The following DKK2 variants were observed in gnomAD, a reference collection of about 807,000 sequenced individuals.
The protein encoded by DKK2 is dickkopf Wnt signaling pathway inhibitor 2.
Under a neutral mutation model 28.1 loss-of-function variants are expected in DKK2, and 11 were observed. That is an observed-to-expected ratio of 0.39 (90% CI 0.25 to 0.65). DKK2 has a LOEUF of 0.65. Ranked by LOEUF, DKK2 falls within the 30% of genes least tolerant of loss-of-function variation. The pLI, the probability that DKK2 is intolerant of heterozygous loss-of-function variation, is 0.47. For missense variants in DKK2, 326 were observed against 335.5 expected (o/e 0.97, Z 0.22); for synonymous variants, 135 against 126.5 (o/e 1.07, Z -0.45).
chr4:106,959,563 C>T (rs1722655910), intron 1 of DKK2, among the ~76,000 whole-genome samples: 1 of 151,978 alleles, frequency 6.6e-6, no homozygotes. Context: ...AATTTGTAAA[C>T]TTCCCATAAG....
At chr4:106,927,886 A>T (rs1724445830) in intron 1 of DKK2, among the ~76,000 whole-genome samples, 3 of 152,218 alleles carry the variant, frequency 2.0e-5, no homozygotes. Context: ...TTCAATGGAA[A>T]TAAACATGTG....
At chr4:106,993,155 A>G (rs1165881085) in intron 1 of DKK2, among the ~76,000 whole-genome samples, 3 of 152,268 alleles carry the variant, frequency 2.0e-5, no homozygotes, top group Non-Finnish European at 4.4e-5. Flanking sequence ...TGTTCAGAGC[A>G]TAACCTCTGG....
chr4:106,992,008 G>A (rs1723212236), intron 1 of DKK2, among the ~76,000 whole-genome samples: 1 of 152,116 alleles, frequency 6.6e-6, no homozygotes, highest in Non-Finnish European at 1.5e-5. Flanking sequence ...AATCCAGAAA[G>A]GTGATTAGAT....
intron 1 of DKK2, among the ~76,000 whole-genome samples, chr4:106,948,273 A>G (rs749657446): frequency 6.6e-6 from 1 of 152,190 alleles, no homozygotes; most frequent in Non-Finnish European, 1.5e-5. Flanking sequence ...CACAGGTTGC[A>G]GGGTTCCAAC....
At chr4:106,985,163 C>T (rs559537088) in intron 1 of DKK2, among the ~76,000 whole-genome samples, 35 of 148,688 alleles carry the variant, frequency 2.4e-4, no homozygotes, top group Admixed American at 6.7e-4. Flanking sequence ...GAGCCAGGAT[C>T]GCGCCACTGC....
chr4:106,995,135 A>G (rs911837675), intron 1 of DKK2, among the ~76,000 whole-genome samples: 3 of 152,144 alleles, frequency 2.0e-5, no homozygotes, highest in African/African-American at 7.2e-5. Flanking sequence ...TAAATATTAC[A>G]TTAAGATTAG....
intron 1 of DKK2, among the ~76,000 whole-genome samples, chr4:106,951,659 C>G (rs1188706249): frequency 2.0e-5 from 3 of 152,128 alleles, no homozygotes. Flanking sequence ...ACAGACACCA[C>G]AGGCTTAGAA....
chr4:106,952,974 C>A lies in DKK2; in HGVS notation c.223-27025G>T, dbSNP rs202107674. ...TATCAAAAATAATGCAAAACTTAAACAAAGTACTTTCAATGTATTTTTTAG... is the reference window on the plus strand; with the variant it reads ...TATCAAAAATAATGCAAAACTTAAAAAAAGTACTTTCAATGTATTTTTTAG... On this transcript the variant is annotated intron_variant, in intron 1 of 3. Transcript: ENST00000285311. 2.0e-5 allele frequency among the ~76,000 whole-genome samples: 3 copies of A among 152,272 alleles called. No homozygotes were observed. The East Asian group carries it at 5.8e-4, about 29-fold the overall frequency.
chr4:107,024,867 C>T (rs1286339388), intron 1 of DKK2, among the ~76,000 whole-genome samples: 1 of 152,092 alleles, frequency 6.6e-6, no homozygotes, highest in Non-Finnish European at 1.5e-5. Context: ...ACCCGCTGTC[C>T]CATGCAGAAA....
At chr4:106,975,525 C>T (rs918652471) in intron 1 of DKK2, among the ~76,000 whole-genome samples, 2 of 152,046 alleles carry the variant, frequency 1.3e-5, no homozygotes, top group Admixed American at 1.3e-4. Flanking sequence ...AGTTTATTTG[C>T]CTAGAGGTGT....
chr4:106,924,462 T>C, intron 3 of DKK2, 83 bp downstream of exon 3: 1 of 1,491,350 alleles, frequency 6.7e-7, no homozygotes, highest in Non-Finnish European at 9.0e-7. Flanking sequence ...TGTAATTTTT[T>C]CTAAAACCAA....
At position 107,010,721 on chromosome 4, in the gene DKK2, A is replaced by G. The variant is rs563116560; in HGVS notation, c.222+24649T>C. Among the ~76,000 whole-genome samples the G allele has an allele frequency of 2.0e-5, 3 of 151,644 alleles. No individual in the cohort carries two copies. In the East Asian group the frequency reaches 5.8e-4, roughly 29 times the overall value. On this transcript the variant is annotated intron_variant, in intron 1 of 3. Transcript: ENST00000285311. ...GAAAGGAAAGAATAATAATTTGCCTAAGGAAATTGTTCTCAAGCTATTGAT... is the reference window on the plus strand; with the variant it reads ...GAAAGGAAAGAATAATAATTTGCCTGAGGAAATTGTTCTCAAGCTATTGAT...
chr4:107,006,363 T>A (rs1356035502), intron 1 of DKK2, among the ~76,000 whole-genome samples: 1 of 152,164 alleles, frequency 6.6e-6, no homozygotes, highest in Non-Finnish European at 1.5e-5. Flanking sequence ...TCAAAGCAGT[T>A]CATTTTTCTA....
At chr4:106,926,416 A>G (rs930611302) in intron 1 of DKK2, among the ~76,000 whole-genome samples, 2 of 152,202 alleles carry the variant, frequency 1.3e-5, no homozygotes, top group Admixed American at 1.3e-4. Context: ...CTCCTGCCCA[A>G]TTATGAAACA....
At position 106,922,390 on chromosome 4, in the gene DKK2, A is replaced by C. The variant is rs1302270398; in HGVS notation, c.*1564T>G. The C allele has an allele frequency of 1.3e-5, 2 of 152,224 alleles. No homozygotes were observed. Among genetic ancestry groups the C allele is most frequent in the South Asian group, 4.1e-4 (2 of 4,836 alleles). The allele number at this position is 152,224 out of a possible 1,614,324, so 9.4% of individuals were successfully genotyped here. On this transcript the variant is annotated 3_prime_UTR_variant, in exon 4 of 4. Coordinates refer to ENST00000285311, the MANE Select transcript of DKK2 (RefSeq NM_014421.3). ...GCTCCAGACAAAGTATTTAGAACTG[A>C]GTTAAGTTTAAAAAAAGTAGTAAAG... is the stretch of plus-strand genomic sequence containing the variant.
chr4:106,948,686 G>A (rs574149247), intron 1 of DKK2, among the ~76,000 whole-genome samples: 1 of 152,216 alleles, frequency 6.6e-6, no homozygotes. Context: ...TAAGTTTGTA[G>A]GCCAGAACCA....
intron 1 of DKK2, among the ~76,000 whole-genome samples, chr4:107,019,490 T>A (rs1723660775): frequency 6.6e-6 from 1 of 152,030 alleles, no homozygotes; most frequent in Non-Finnish European, 1.5e-5. Flanking sequence ...ATAAAATTCC[T>A]GGTATAAAGT....
At chr4:107,006,163 A>G (rs994129216) in intron 1 of DKK2, among the ~76,000 whole-genome samples, 5 of 152,244 alleles carry the variant, frequency 3.3e-5, no homozygotes, top group African/African-American at 1.2e-4. Context: ...TAGAAGGTAA[A>G]TGTTGGAAAC....
chr4:107,035,641 A>T lies in DKK2; in HGVS notation c.-50T>A. The stretch of plus-strand genomic sequence containing the variant: ...AGACGCAAAGCCCGGAGGGGTGGGA[A>T]TGCAAAGGGAGGGAGGACCCCAACA... On this transcript the variant is annotated 5_prime_UTR_variant, in exon 1 of 4. Coordinates refer to ENST00000285311, the MANE Select transcript of DKK2 (RefSeq NM_014421.3). The T allele has an allele frequency of 6.3e-7, 1 of 1,599,048 alleles. No individual in the cohort carries two copies. Among genetic ancestry groups the T allele is most frequent in the Non-Finnish European group, 8.5e-7 (1 of 1,172,558 alleles).
Sources: gnomAD v4.1 joint callset for allele counts (sites outside exome capture counted in the v4.1 genomes callset) on GRCh38, gnomAD v4.1.1 for gene constraint, MANE v1.5 for transcripts, NCBI Gene and HGNC (gene_info 2026-07-23, HGNC 2026-07-21) for gene names.